The following ATXN7L1 variants were observed in gnomAD, a reference collection of about 807,000 sequenced individuals.
ATXN7L1 encodes ataxin-7-like protein 1.
In ATXN7L1, 15 loss-of-function variants were observed where a neutral mutation model predicts 70.8. The observed-to-expected ratio is 0.21, with a 90% confidence interval of 0.14 to 0.33. The LOEUF is 0.33. Among genes scored for constraint, ATXN7L1 ranks in the 10% least tolerant of loss-of-function variants. ATXN7L1 has a pLI of 1.00. For missense variants in ATXN7L1, 975 were observed against 1,097.1 expected (o/e 0.89, Z 1.57); for synonymous variants, 440 against 445.1 (o/e 0.99, Z 0.14).
At position 105,639,693 on chromosome 7, in the gene ATXN7L1, T is replaced by A. The variant is rs1797892829; in HGVS notation, c.863-124A>T. On this transcript the variant is annotated intron_variant, in intron 5 of 11. Transcript: ENST00000419735. Reference sequence around the variant, plus strand: ...AAGTGAGACATTGTCAGGCAATCTGTTTTTTGTTTTTTTGTGTTTTGTTTT... The same window carrying A: ...AAGTGAGACATTGTCAGGCAATCTGATTTTTGTTTTTTTGTGTTTTGTTTT... 4.2e-6 allele frequency: 3 copies of A among 707,668 alleles called. No homozygotes were observed. The East Asian group carries it at 8.2e-5, about 19-fold the overall frequency. 43.8% of individuals were successfully genotyped at this position (707,668 alleles called of 1,614,324 possible).
chr7:105,624,382 T>G, intron 7 of ATXN7L1, 115 bp from the exon 8 acceptor site: 2 of 1,078,096 alleles, frequency 1.9e-6, no homozygotes, highest in South Asian at 7.0e-5. Flanking sequence ...CCAGGTTCGG[T>G]GGCTCACGCC....
chr7:105,744,735 CTTTTTT>C (rs11465151), intron 3 of ATXN7L1, among the ~76,000 whole-genome samples: 1 of 117,126 alleles, frequency 8.5e-6, no homozygotes, highest in South Asian at 2.9e-4. Flanking sequence ...TCTTTCTTTA[CTTTTTT>C]TTTTTTTTTT....
At chr7:105,853,276 C>T (rs1164908258) in intron 2 of ATXN7L1, among the ~76,000 whole-genome samples, 1 of 152,216 alleles carries the variant, frequency 6.6e-6, no homozygotes, top group Non-Finnish European at 1.5e-5. Flanking sequence ...AGGCTACATG[C>T]AGTGACTCAC....
chr7:105,722,742 G>C (rs1483550654), intron 3 of ATXN7L1, among the ~76,000 whole-genome samples: 1 of 151,584 alleles, frequency 6.6e-6, no homozygotes, highest in African/African-American at 2.4e-5. Context: ...AAAATTAGCT[G>C]GGCGTGGTGG....
At chr7:105,678,495 C>T (rs1452788263) in intron 3 of ATXN7L1, among the ~76,000 whole-genome samples, 1 of 152,090 alleles carries the variant, frequency 6.6e-6, no homozygotes, top group Non-Finnish European at 1.5e-5. Context: ...CAAGGACCAT[C>T]GTGGACAGGA....
At chr7:105,767,925 G>A (rs530465082) in intron 3 of ATXN7L1, among the ~76,000 whole-genome samples, 36 of 152,362 alleles carry the variant, frequency 2.4e-4, no homozygotes, top group African/African-American at 8.4e-4. Flanking sequence ...AGCCTGCAGT[G>A]TGAAAAGACA....
intron 2 of ATXN7L1, among the ~76,000 whole-genome samples, chr7:105,828,356 G>C (rs1811151874): frequency 6.6e-6 from 1 of 152,204 alleles, no homozygotes; most frequent in South Asian, 2.1e-4. Flanking sequence ...CTGAAGGACA[G>C]GGAGAATGAC....
chr7:105,714,830 T>C (rs1462140553), intron 3 of ATXN7L1, among the ~76,000 whole-genome samples: 2 of 152,144 alleles, frequency 1.3e-5, no homozygotes, highest in East Asian at 3.8e-4. Context: ...ACACAGCTAC[T>C]TTTTGTATTT....
At chr7:105,699,403 A>G (rs1379524902) in intron 3 of ATXN7L1, among the ~76,000 whole-genome samples, 1 of 152,206 alleles carries the variant, frequency 6.6e-6, no homozygotes, top group Admixed American at 6.5e-5. Flanking sequence ...AAGTGCTGGA[A>G]TTACAGGCAT....
chr7:105,614,420 C>CTCG lies in ATXN7L1; in HGVS notation c.1911_1913dup (p.Asp637dup). The CTCG allele has an allele frequency of 8.4e-6, 13 of 1,550,898 alleles. No homozygotes were observed. The highest frequency in any genetic ancestry group is 1.1e-5 in the Non-Finnish European group (13 of 1,146,424). ...GCTTCCTTTTTTTGTTACTTGGAGA[C>CTCG]TCGTCGCTACGGGTGGACAGGTCTT... On this transcript the variant is annotated inframe_insertion, in exon 10 of 12. Coordinates refer to ENST00000419735, the MANE Select transcript of ATXN7L1 (RefSeq NM_020725.2). The surrounding 1 kb of genome is among the most constrained non-coding windows in gnomAD (Gnocchi z 4.3).
At chr7:105,846,014 A>G (rs1465947442) in intron 2 of ATXN7L1, among the ~76,000 whole-genome samples, 1 of 152,234 alleles carries the variant, frequency 6.6e-6, no homozygotes, top group African/African-American at 2.4e-5. Flanking sequence ...TAACACCAAA[A>G]GTGTAAGCAA....
At chr7:105,645,875 T>C (rs1000591899) in intron 4 of ATXN7L1, among the ~76,000 whole-genome samples, 4 of 150,800 alleles carry the variant, frequency 2.7e-5, no homozygotes, top group Admixed American at 6.6e-5. Context: ...GGGGTGGTGG[T>C]GCATGCCTGT....
In ATXN7L1 at chr7:105,674,832, T is replaced by TG. The variant is rs138218966; in HGVS notation, c.356-9545dup. Among the ~76,000 whole-genome samples, 948 of 152,328 alleles carry TG rather than the reference T, an allele frequency of 6.2e-3. 11 individuals carry two copies. The highest frequency in any genetic ancestry group is 0.022 in the African/African-American group (901 of 41,578). On this transcript the variant is annotated intron_variant, in intron 3 of 11. Transcript: ENST00000419735. ...GGCATCACCACTATTGGGCAGGATC[T>TG]GGGGAGTCCCAGGGGCTTTCCAGGG...
chr7:105,664,498 AATATATGTATAAT>A (rs1451960234), intron 4 of ATXN7L1, among the ~76,000 whole-genome samples: 6 of 100,640 alleles, frequency 6.0e-5, no homozygotes, highest in African/African-American at 2.2e-4. Flanking sequence ...ATATATGTAT[AATATATGTATAAT>A]ATATATATAC....
At chr7:105,813,153 C>A (rs938612229) in intron 2 of ATXN7L1, among the ~76,000 whole-genome samples, 2 of 152,180 alleles carry the variant, frequency 1.3e-5, no homozygotes, top group Non-Finnish European at 2.9e-5. Context: ...TTTCCACATA[C>A]ATTTCATGAC....
chr7:105,809,408 G>A (rs552522095), intron 2 of ATXN7L1, among the ~76,000 whole-genome samples: 1 of 152,244 alleles, frequency 6.6e-6, no homozygotes, highest in South Asian at 2.1e-4. Flanking sequence ...CGCCCACTGA[G>A]CAGCAACCTC....
At chr7:105,733,879 C>T (rs950151130) in intron 3 of ATXN7L1, among the ~76,000 whole-genome samples, 66 of 90,304 alleles carry the variant, frequency 7.3e-4, no homozygotes, top group East Asian at 2.2e-3. Context: ...TCCATCCATC[C>T]ATCATCCATC....
intron 3 of ATXN7L1, among the ~76,000 whole-genome samples, chr7:105,677,231 C>T (rs1053803312): frequency 2.6e-5 from 4 of 152,234 alleles, no homozygotes; most frequent in Non-Finnish European, 5.9e-5. Context: ...GAAATGCCGA[C>T]CAAACATGCT....
At chr7:105,658,423 G>A (rs1051479361) in intron 4 of ATXN7L1, among the ~76,000 whole-genome samples, 2 of 151,842 alleles carry the variant, frequency 1.3e-5, no homozygotes, top group African/African-American at 4.8e-5. Flanking sequence ...AAGTATTTGT[G>A]TGTCTAAACA....
Sources: gnomAD v4.1 joint callset for allele counts (sites outside exome capture counted in the v4.1 genomes callset) on GRCh38, gnomAD v4.1.1 for gene constraint, Gnocchi (gnomAD v3.1) non-coding constraint, MANE v1.5 for transcripts, NCBI Gene and HGNC (gene_info 2026-07-23, HGNC 2026-07-21) for gene names.